The following FAM72A variants were observed in gnomAD, a reference collection of about 807,000 sequenced individuals.
FAM72A encodes protein FAM72A.
Under a neutral mutation model 11.3 loss-of-function variants are expected in FAM72A, and 1 was observed. That is an observed-to-expected ratio of 0.09 (90% CI 0.03 to 0.42). The LOEUF is 0.42. Ranked by LOEUF, FAM72A falls within the 10% of genes least tolerant of loss-of-function variation. The pLI, the probability that FAM72A is intolerant of heterozygous loss-of-function variation, is 0.98. For missense variants in FAM72A, 15 were observed against 135.5 expected (o/e 0.11, Z 4.41); for synonymous variants, 5 against 46.9 (o/e 0.11, Z 3.65).
chr1:206,203,320 G>C, upstream of FAM72A: 2 of 398,354 alleles, frequency 5.0e-6, no homozygotes, highest in Non-Finnish European at 8.8e-6. Context: ...TCTACTTAGG[G>C]GTTCAACAAC....
chr1:206,202,977 G>C (rs2102404923), upstream of FAM72A: 1 of 151,490 alleles, frequency 6.6e-6, no homozygotes, highest in Non-Finnish European at 1.5e-5. Flanking sequence ...CTCCCCTCAC[G>C]AGAGCTTAGT....
rs576691753 is a variant in FAM72A at position 206,187,066 on chromosome 1, C to T, written c.*213G>A. The T allele has an allele frequency of 3.0e-6, 2 of 669,994 alleles. No individual in the cohort carries two copies. The highest frequency in any genetic ancestry group is 5.1e-5 in the South Asian group (2 of 39,044). 41.5% of individuals were successfully genotyped at this position (669,994 alleles called of 1,614,324 possible). ...ACACCTACACTGGGCAGAAAAAGGT[C>T]GGGGAGAGGAAGTAGAAGTAGAGGA... On this transcript the variant is annotated 3_prime_UTR_variant, in exon 4 of 4. Coordinates refer to ENST00000367128, the MANE Select transcript of FAM72A (RefSeq NM_001123168.3).
At chr1:206,203,769 T>A (rs1553299995), upstream of FAM72A, 1 of 1,501,738 alleles carries the variant, frequency 6.7e-7, no homozygotes, top group African/African-American at 1.4e-5. Flanking sequence ...GGCATCGCCT[T>A]AGCGGTGCCG....
In FAM72A at chr1:206,196,693, C is replaced by G. The variant is rs1425464435; in HGVS notation, c.231-817G>C. Among the ~76,000 whole-genome samples the G allele has an allele frequency of 1.8e-4, 24 of 135,120 alleles. No individual in the cohort carries two copies. In the South Asian group the frequency reaches 5.0e-3, roughly 28 times the overall value. 88.6% of individuals were successfully genotyped at this position (135,120 alleles called of 152,430 possible). On this transcript the variant is annotated intron_variant, in intron 2 of 3. Coordinates refer to ENST00000367128, the MANE Select transcript of FAM72A (RefSeq NM_001123168.3). Reference sequence around the variant, plus strand: ...TAGTCTCAGTGTTTTTGAAGGAACTCAGAAATAAAGCAATCTACAGCCTCC... The same window carrying G: ...TAGTCTCAGTGTTTTTGAAGGAACTGAGAAATAAAGCAATCTACAGCCTCC...
At chr1:206,203,808 C>T, upstream of FAM72A, 1 of 1,531,706 alleles carries the variant, frequency 6.5e-7, no homozygotes, top group Non-Finnish European at 8.8e-7. Flanking sequence ...GCCCCCCCTC[C>T]ACCCTCTCCA....
chr1:206,193,208 C>T lies in FAM72A; in HGVS notation c.355+2544G>A, dbSNP rs558617933. Among the ~76,000 whole-genome samples, 932 of 151,142 alleles carry T rather than the reference C, an allele frequency of 6.2e-3. 2 individuals are homozygous for T. Among genetic ancestry groups the T allele is most frequent in the Middle Eastern group, 0.027 (8 of 292 alleles). On this transcript the variant is annotated intron_variant, in intron 3 of 3. Coordinates refer to ENST00000367128, the MANE Select transcript of FAM72A (RefSeq NM_001123168.3). ...GATTACAGGCGTGAGCCACCGCGCC[C>T]GGCCTCTTATTCCTTTTTTTTTTTC...
intron 2 of FAM72A, among the ~76,000 whole-genome samples, chr1:206,197,912 T>TCAAAA (rs1231521456): frequency 6.6e-6 from 1 of 150,742 alleles, no homozygotes; most frequent in Non-Finnish European, 1.5e-5. Flanking sequence ...AGACTCCGTC[T>TCAAAA]CAAAACAAAA....
At chr1:206,203,116 G>GT (rs576486021), upstream of FAM72A, 204 of 176,416 alleles carry the variant, frequency 1.2e-3, no homozygotes, top group African/African-American at 4.7e-3. Flanking sequence ...CCCTGCCTTC[G>GT]CCCTAGTGAA....
upstream of FAM72A, chr1:206,204,358 TCGCTTCC>T (rs1389531556): frequency 4.3e-3 from 1,457 of 335,508 alleles, 41 homozygotes; most frequent in Admixed American, 0.057. Context: ...CACCCGCCTC[TCGCTTCC>T]CGCTTCCCGC....
intron 3 of FAM72A, among the ~76,000 whole-genome samples, chr1:206,194,279 AATGG>A (rs1664947450): frequency 6.6e-6 from 1 of 152,250 alleles, no homozygotes; most frequent in African/African-American, 2.4e-5. Flanking sequence ...ATGAAACTTT[AATGG>A]ATGAAGAGTT....
intron 2 of FAM72A, among the ~76,000 whole-genome samples, chr1:206,197,218 G>A (rs1665113183): frequency 1.3e-5 from 2 of 152,322 alleles, no homozygotes; most frequent in Middle Eastern, 6.8e-3. Flanking sequence ...CACTGCTCTA[G>A]GTGCTAGGAA....
At chr1:206,187,404 T>A in intron 3 of FAM72A, 31 bp from the exon 4 acceptor site, 3 of 1,607,950 alleles carry the variant, frequency 1.9e-6, no homozygotes, top group Non-Finnish European at 1.7e-6. Flanking sequence ...AATTCTTTAA[T>A]GCTTACTACT....
chr1:206,202,069 CAA>C lies in FAM72A; in HGVS notation c.-46_-45del, dbSNP rs782625444. On this transcript the variant is annotated 5_prime_UTR_variant, in exon 1 of 4. Coordinates refer to ENST00000367128, the MANE Select transcript of FAM72A (RefSeq NM_001123168.3). ...AGGTGTGGGATTTTGAAAAAGGAAA[CAA>C]GAGTAATGCTCCTACTATTTTGATT... The C allele has an allele frequency of 4.0e-5, 57 of 1,407,718 alleles. No individual in the cohort carries two copies. The African/African-American group carries it at 5.5e-4, about 14-fold the overall frequency. The allele number at this position is 1,407,718 out of a possible 1,614,324, so 87.2% of individuals were successfully genotyped here. A position where few individuals can be genotyped will look rare whatever the true frequency, so the allele number is the denominator to read the frequency against.
At chr1:206,196,090 T>C (rs1333984800) in intron 2 of FAM72A, among the ~76,000 whole-genome samples, 3 of 147,858 alleles carry the variant, frequency 2.0e-5, no homozygotes, top group African/African-American at 7.6e-5. Context: ...CACATTTCTT[T>C]GCTATTATTA....
At chr1:206,196,092 C>CTAT (rs376030453) in intron 2 of FAM72A, among the ~76,000 whole-genome samples, 5,268 of 141,332 alleles carry the variant, frequency 0.037, 81 homozygotes, top group African/African-American at 0.049. Context: ...CATTTCTTTG[C>CTAT]TATTATTATT....
chr1:206,199,083 CAAAAAAAG>C (rs1665230206), intron 2 of FAM72A, among the ~76,000 whole-genome samples: 1 of 137,244 alleles, frequency 7.3e-6, no homozygotes, highest in Admixed American at 7.4e-5. Context: ...AACTCCTTCT[CAAAAAAAG>C]AAAGAAAGAA....
At chr1:206,204,798 C>T (rs1290136399), upstream of FAM72A, 2 of 122,932 alleles carry the variant, frequency 1.6e-5, no homozygotes, top group African/African-American at 3.7e-5. Flanking sequence ...CTCGCCGCCC[C>T]CCGGTTTTCC....
At position 206,191,687 on chromosome 1, in the gene FAM72A, T is replaced by A. The variant is rs1217547226; in HGVS notation, c.355+4065A>T. Among the ~76,000 whole-genome samples the A allele has an allele frequency of 9.4e-3, 1,352 of 144,340 alleles. 44 individuals are homozygous for A. Among genetic ancestry groups the A allele is most frequent in the African/African-American group, 0.035 (1,269 of 36,646 alleles). 94.7% of individuals were successfully genotyped at this position (144,340 alleles called of 152,430 possible). A position where few individuals can be genotyped will look rare whatever the true frequency, so the allele number is the denominator to read the frequency against. ...AAGGAAAAAGAAATTTTTTTTTTTTTAAAAGAATTGGTAGTGTACTTTCTT... is the reference window on the plus strand; with the variant it reads ...AAGGAAAAAGAAATTTTTTTTTTTTAAAAAGAATTGGTAGTGTACTTTCTT... On this transcript the variant is annotated intron_variant, in intron 3 of 3. Transcript: ENST00000367128.
upstream of FAM72A, chr1:206,205,073 G>A (rs1220863779): frequency 1.3e-5 from 2 of 151,942 alleles, no homozygotes; most frequent in Non-Finnish European, 2.9e-5. Context: ...GGGGGTCTGG[G>A]GCCACGTCGG....
Sources: gnomAD v4.1 joint callset for allele counts (sites outside exome capture counted in the v4.1 genomes callset) on GRCh38, gnomAD v4.1.1 for gene constraint, MANE v1.5 for transcripts, NCBI Gene and HGNC (gene_info 2026-07-23, HGNC 2026-07-21) for gene names.